Variants in DYM observed in about 807,000 individuals in gnomAD.
The protein encoded by DYM is dyggve-Melchior-Clausen syndrome protein.
Under a neutral mutation model 93.1 loss-of-function variants are expected in DYM, and 78 were observed. That is an observed-to-expected ratio of 0.84 (90% confidence interval 0.70 to 1.01). The LOEUF (loss-of-function observed/expected upper bound fraction) is 1.01, where lower values mean the gene tolerates loss of function less well. DYM is among the 50% of genes least tolerant of loss of function. The probability of loss-of-function intolerance (pLI) is 0.00; values close to 1 mark genes in which losing one functional copy is unlikely to be tolerated. For synonymous variants in DYM, 321 were observed against 319.7 expected (o/e 1.00, Z -0.04); for missense variants, 789 against 845.0 (o/e 0.93, Z 0.82).
intron 3 of DYM, 104 bp downstream of exon 3, chr18:49,391,489 C>G: frequency 8.7e-7 from 1 of 1,150,988 alleles, no homozygotes; most frequent in East Asian, 2.4e-5. Context: ...ATTACTATTG[C>G]TATCAAAGAA....
intron 13 of DYM, among the ~76,000 whole-genome samples, chr18:49,238,978 T>A (rs542168608): frequency 1.3e-5 from 2 of 152,126 alleles, no homozygotes; most frequent in Non-Finnish European, 2.9e-5. Context: ...AGAGTGAACA[T>A]CCAGCCTGCC....
chr18:49,282,607 T>C (rs2145758237), intron 9 of DYM, among the ~76,000 whole-genome samples: 1 of 152,230 alleles, frequency 6.6e-6, no homozygotes, highest in South Asian at 2.1e-4. Context: ...TGAGACTCTG[T>C]CTAAAACAAA....
At chr18:49,091,078 T>G (rs561761493) in intron 17 of DYM, among the ~76,000 whole-genome samples, 4 of 152,224 alleles carry the variant, frequency 2.6e-5, no homozygotes, top group Non-Finnish European at 5.9e-5. Context: ...AGAGCTGTTC[T>G]TCAAAGAATG....
intron 2 of DYM, among the ~76,000 whole-genome samples, chr18:49,419,704 C>T (rs1181070497): frequency 6.6e-6 from 1 of 152,182 alleles, no homozygotes; most frequent in Non-Finnish European, 1.5e-5. Flanking sequence ...AAATTGTCTT[C>T]AATCTATAGG....
intron 5 of DYM, among the ~76,000 whole-genome samples, chr18:49,368,106 G>A (rs1786342467): frequency 6.6e-6 from 1 of 152,174 alleles, no homozygotes; most frequent in African/African-American, 2.4e-5. Flanking sequence ...GTGCACTACA[G>A]TATTTATAAG....
chr18:49,067,268 G>A (rs111382427), intron 17 of DYM, among the ~76,000 whole-genome samples: 8 of 102,400 alleles, frequency 7.8e-5, no homozygotes, highest in South Asian at 3.8e-4. Flanking sequence ...GGTTCAGTAG[G>A]GGAAGGAATG....
chr18:49,080,755 C>G (rs1232325893), intron 17 of DYM, among the ~76,000 whole-genome samples: 13 of 142,732 alleles, frequency 9.1e-5, no homozygotes, highest in Non-Finnish European at 1.5e-4. Context: ...CGGGGCAGCT[C>G]CGGGCGGAGG....
intron 16 of DYM, among the ~76,000 whole-genome samples, chr18:49,103,295 G>T (rs550043722): frequency 6.6e-6 from 1 of 152,218 alleles, no homozygotes; most frequent in East Asian, 1.9e-4. Flanking sequence ...TGAGTTCATT[G>T]TAGATTCTGG....
At chr18:49,076,050 A>G (rs1369423909) in intron 17 of DYM, among the ~76,000 whole-genome samples, 1 of 152,252 alleles carries the variant, frequency 6.6e-6, no homozygotes, top group Non-Finnish European at 1.5e-5. Flanking sequence ...TACAGGCAGT[A>G]TAACAACATT....
At chr18:49,227,267 A>G (rs2093566294) in intron 13 of DYM, among the ~76,000 whole-genome samples, 1 of 152,178 alleles carries the variant, frequency 6.6e-6, no homozygotes, top group Admixed American at 6.5e-5. Context: ...ATTCTTCAAC[A>G]TCCATGCCAC....
At chr18:49,200,567 T>G (rs957420596) in intron 14 of DYM, among the ~76,000 whole-genome samples, 2 of 151,938 alleles carry the variant, frequency 1.3e-5, no homozygotes, top group Admixed American at 6.6e-5. Flanking sequence ...ATTGAGTTGA[T>G]AGGATATAGT....
intron 14 of DYM, among the ~76,000 whole-genome samples, chr18:49,203,884 A>AC (rs2092314989): frequency 7.1e-6 from 1 of 140,934 alleles, no homozygotes; most frequent in Non-Finnish European, 1.6e-5. Context: ...AAAAAAAAAA[A>AC]AAAAAAAAAA....
chr18:49,362,367 C>T (rs1167543157), intron 6 of DYM, among the ~76,000 whole-genome samples: 1 of 152,106 alleles, frequency 6.6e-6, no homozygotes, highest in Admixed American at 6.5e-5. Flanking sequence ...ATGAGATGAA[C>T]ATTTCGAATC....
At chr18:49,141,616 C>G (rs1439182651) in intron 15 of DYM, among the ~76,000 whole-genome samples, 6 of 152,172 alleles carry the variant, frequency 3.9e-5, no homozygotes. Flanking sequence ...ATCATCAGGT[C>G]TCAGTTAAAT....
intron 15 of DYM, among the ~76,000 whole-genome samples, chr18:49,159,276 A>G (rs1294798171): frequency 6.6e-6 from 1 of 152,240 alleles, no homozygotes; most frequent in Non-Finnish European, 1.5e-5. Context: ...TAATAATAGA[A>G]CAACCTAAAA....
intron 15 of DYM, among the ~76,000 whole-genome samples, chr18:49,161,419 A>G (rs2087113838): frequency 6.6e-6 from 1 of 152,246 alleles, no homozygotes; most frequent in African/African-American, 2.4e-5. Flanking sequence ...ATACATATTC[A>G]ACACATTTTT....
intron 15 of DYM, among the ~76,000 whole-genome samples, chr18:49,137,763 A>G (rs967954749): frequency 1.3e-5 from 2 of 152,236 alleles, no homozygotes; most frequent in African/African-American, 4.8e-5. Context: ...CACCAGTTCC[A>G]GTGGGACAGA....
intron 15 of DYM, among the ~76,000 whole-genome samples, chr18:49,148,687 C>G (rs1474176471): frequency 6.6e-6 from 1 of 152,198 alleles, no homozygotes; most frequent in African/African-American, 2.4e-5. Flanking sequence ...GTCACTCTAT[C>G]CAAAACTTTT....
chr18:49,043,945 T>C lies in DYM; in HGVS notation c.*110A>G. Reference sequence around the variant, plus strand: ...GGAAAACACACTCGTGCAATCCTCTTTAACAGAAGATACACCAAGTAACCT... The same window carrying C: ...GGAAAACACACTCGTGCAATCCTCTCTAACAGAAGATACACCAAGTAACCT... On this transcript the variant is annotated 3_prime_UTR_variant, in exon 18 of 18. Transcript: ENST00000675505. 1 of 1,335,624 alleles carries C rather than the reference T, an allele frequency of 7.5e-7. No homozygotes were observed. Among genetic ancestry groups the C allele is most frequent in the Non-Finnish European group, 1.0e-6 (1 of 954,512 alleles). 82.7% of individuals were successfully genotyped at this position (1,335,624 alleles called of 1,614,324 possible). A position where few individuals can be genotyped will look rare whatever the true frequency, so the allele number is the denominator to read the frequency against.
Sources: allele counts gnomAD v4.1 joint callset (sites outside exome capture counted in the v4.1 genomes callset), GRCh38; gene constraint gnomAD v4.1.1; transcripts MANE v1.5; gene names NCBI Gene and HGNC (gene_info 2026-07-23, HGNC 2026-07-21).